Variants in SGCD observed in about 807,000 individuals in gnomAD.
SGCD encodes sarcoglycan delta.
SGCD carries 18 observed loss-of-function variants against 36.6 expected under a neutral mutation model. The observed-to-expected ratio is 0.49, with a 90% CI of 0.34 to 0.73. The LOEUF (loss-of-function observed/expected upper bound fraction) is 0.73. Ranked by LOEUF, SGCD falls within the 30% of genes least tolerant of loss-of-function variation. The pLI, the probability that SGCD is intolerant of heterozygous loss-of-function variation, is 0.01. For synonymous variants in SGCD, 133 were observed against 130.6 expected (o/e 1.02, Z -0.12); for missense variants, 387 against 346.7 (o/e 1.12, Z -0.92).
intron 7 of SGCD, among the ~76,000 whole-genome samples, chr5:156,677,289 G>C (rs1255332229): frequency 6.6e-6 from 1 of 152,218 alleles, no homozygotes; most frequent in African/African-American, 2.4e-5. Flanking sequence ...TGATAGACTG[G>C]ATGAAGAAAA....
At chr5:155,931,768 A>G (rs1252148914) in intron 1 of SGCD, among the ~76,000 whole-genome samples, 2 of 152,196 alleles carry the variant, frequency 1.3e-5, no homozygotes, top group African/African-American at 2.4e-5. Flanking sequence ...GCCACTTACT[A>G]TCTGTCTGTT....
upstream of SGCD, among the ~76,000 whole-genome samples, chr5:155,868,534 A>T (rs939170782): frequency 6.6e-6 from 1 of 151,918 alleles, no homozygotes; most frequent in Admixed American, 6.6e-5. Flanking sequence ...GGGCCAAATA[A>T]ACTGGTGCCT....
intron 7 of SGCD, among the ~76,000 whole-genome samples, chr5:156,721,488 C>T (rs1183569888): frequency 2.0e-5 from 3 of 152,104 alleles, no homozygotes; most frequent in African/African-American, 7.2e-5. Context: ...GGCACTGGAC[C>T]GTTCAGTTTT....
intron 4 of SGCD, among the ~76,000 whole-genome samples, chr5:156,578,776 T>G (rs1760098532): frequency 6.6e-6 from 1 of 152,222 alleles, no homozygotes; most frequent in Non-Finnish European, 1.5e-5. Flanking sequence ...ATTATCATGT[T>G]TTATTGCATC....
intron 1 of SGCD, among the ~76,000 whole-genome samples, chr5:156,116,455 A>G (rs967356791): frequency 3.3e-5 from 5 of 152,106 alleles, no homozygotes; most frequent in Non-Finnish European, 7.4e-5. Flanking sequence ...TTTCTCTTCT[A>G]TCTCCAGAAA....
At chr5:156,361,591 T>C (rs1431362850) in intron 3 of SGCD, among the ~76,000 whole-genome samples, 1 of 152,192 alleles carries the variant, frequency 6.6e-6, no homozygotes, top group Non-Finnish European at 1.5e-5. Flanking sequence ...AAGAGGAAAA[T>C]AAGTTTCAGT....
Position 156,120,668 on chromosome 5 carries a change from T to G in SGCD, c.-208+2717T>G, listed in dbSNP as rs149084092. Reference sequence around the variant, plus strand: ...TGAAGCATTGTAACTATTTATTAGGTTGGGATGTAACTAAACCTGAAAGGT... The same window carrying G: ...TGAAGCATTGTAACTATTTATTAGGGTGGGATGTAACTAAACCTGAAAGGT... On this transcript the variant is annotated intron_variant, in intron 2 of 9. Transcript: ENST00000517913. Among the ~76,000 whole-genome samples, 643 of 152,282 alleles carry G rather than the reference T, an allele frequency of 4.2e-3. 6 individuals are homozygous for G. Among genetic ancestry groups the G allele is most frequent in the African/African-American group, 0.014 (596 of 41,554 alleles).
chr5:156,240,741 C>T (rs1765285671), intron 3 of SGCD, among the ~76,000 whole-genome samples: 1 of 151,972 alleles, frequency 6.6e-6, no homozygotes, highest in Admixed American at 6.5e-5. Context: ...TTTTGTGTTT[C>T]GTTTTTTTAA....
At chr5:156,558,798 GGAGA>G (rs1365789497) in intron 4 of SGCD, among the ~76,000 whole-genome samples, 1 of 152,104 alleles carries the variant, frequency 6.6e-6, no homozygotes, top group Non-Finnish European at 1.5e-5. Flanking sequence ...AGTGTTGTGG[GGAGA>G]GAATCATCCA....
intron 4 of SGCD, among the ~76,000 whole-genome samples, chr5:156,537,716 A>C (rs986545796): frequency 1.6e-4 from 24 of 151,866 alleles, no homozygotes; most frequent in African/African-American, 5.1e-4. Flanking sequence ...TGATTCTCTG[A>C]CTTTCATAGT....
At chr5:156,262,047 T>A (rs188833776) in intron 3 of SGCD, among the ~76,000 whole-genome samples, 2 of 152,036 alleles carry the variant, frequency 1.3e-5, no homozygotes. Context: ...GTAAGCTAAG[T>A]TTAATTCGTT....
rs577754421 is a variant in SGCD, at chr5:156,761,051, G to C, written c.*1661G>C. The C allele has an allele frequency of 1.3e-5, 2 of 152,222 alleles. No homozygotes were observed. The highest frequency in any genetic ancestry group is 3.9e-4 in the East Asian group (2 of 5,180). The allele number at this position is 152,222 out of a possible 1,614,324, so 9.4% of individuals were successfully genotyped here. A position where few individuals can be genotyped will look rare whatever the true frequency, so the allele number is the denominator to read the frequency against. ...AAATGAAGTAGTATTTGTAGGCCTG[G>C]GTGGCATTTGGATTTTTCTTTTCCC... On this transcript the variant is annotated 3_prime_UTR_variant, in exon 9 of 9. Coordinates refer to ENST00000337851, the MANE Select transcript of SGCD (RefSeq NM_000337.6).
intron 3 of SGCD, among the ~76,000 whole-genome samples, chr5:156,171,417 C>T (rs577310631): frequency 6.6e-6 from 1 of 152,138 alleles, no homozygotes. Flanking sequence ...ATCTAAACAG[C>T]TACATTTTTT....
At chr5:155,769,207 G>A in the SGCD span, among the ~76,000 whole-genome samples, 1 of 152,052 alleles carries the variant, frequency 6.6e-6, no homozygotes, top group African/African-American at 2.4e-5. Context: ...AAAAAAATTT[G>A]AGTTAATACA....
upstream of SGCD, among the ~76,000 whole-genome samples, chr5:156,322,682 T>A (rs1580819254): frequency 6.6e-6 from 1 of 152,156 alleles, no homozygotes; most frequent in Non-Finnish European, 1.5e-5. Context: ...GAAACAGTAA[T>A]ATCTGTCCAG....
At chr5:156,597,700 G>A (rs79222439) in intron 6 of SGCD, among the ~76,000 whole-genome samples, 1,838 of 152,220 alleles carry the variant, frequency 0.012, 36 homozygotes, top group East Asian at 0.049. Context: ...CCCCCTCTGT[G>A]TCCTCTGGGG....
intron 3 of SGCD, among the ~76,000 whole-genome samples, chr5:156,478,985 C>A (rs1755311041): frequency 6.6e-6 from 1 of 152,158 alleles, no homozygotes. Flanking sequence ...TCGGCCCACT[C>A]TCATGTTTTA....
At chr5:156,444,138 C>CT (rs1753652586) in intron 3 of SGCD, among the ~76,000 whole-genome samples, 1 of 108,290 alleles carries the variant, frequency 9.2e-6, no homozygotes, top group Non-Finnish European at 2.1e-5. Flanking sequence ...CTCTCTCTCT[C>CT]CTTCCCTTTC....
intron 7 of SGCD, among the ~76,000 whole-genome samples, chr5:156,731,488 A>G: frequency 6.6e-6 from 1 of 152,188 alleles, no homozygotes; most frequent in East Asian, 1.9e-4. Context: ...CATTTATTGA[A>G]TAGGGAGTCC....
Sources: allele counts gnomAD v4.1 joint callset (sites outside exome capture counted in the v4.1 genomes callset), GRCh38; gene constraint gnomAD v4.1.1; transcripts MANE v1.5; gene names NCBI Gene and HGNC (gene_info 2026-07-23, HGNC 2026-07-21).